RIF1: variants seen among roughly 807,000 people sequenced by gnomAD.
RIF1 encodes replication timing regulatory factor 1.
Under a neutral mutation model 247.1 loss-of-function variants are expected in RIF1, and 45 were observed. That is an observed-to-expected ratio of 0.18 (90% CI 0.14 to 0.23). The LOEUF is 0.23. Ranked by LOEUF, RIF1 falls within the 10% of genes least tolerant of loss-of-function variation. The pLI is 1.00. For missense variants in RIF1, 2,967 were observed against 2,862.5 expected (o/e 1.04, Z -0.83); for synonymous variants, 1,087 against 978.8 (o/e 1.11, Z -2.06).
At chr2:151,520,165 A>G in the RIF1 span, among the ~76,000 whole-genome samples, 1 of 152,186 alleles carries the variant, frequency 6.6e-6, no homozygotes, top group Admixed American at 6.5e-5. Context: ...GTGAAATCCA[A>G]AGAAGGGCTG....
chr2:151,435,621 G>T lies in RIF1; in HGVS notation c.1195+41G>T, dbSNP rs375053606. On this transcript the variant is annotated intron_variant, in intron 11 of 35. Transcript: ENST00000444746. ...TCTTGTTTTTTGCTTTTTTAATCAGGCTTTGTTGACCTAGAAGCATAGTTT... is the reference window on the plus strand; with the variant it reads ...TCTTGTTTTTTGCTTTTTTAATCAGTCTTTGTTGACCTAGAAGCATAGTTT... 10 of 1,112,314 alleles carry T rather than the reference G, an allele frequency of 9.0e-6. No homozygotes were observed. The African/African-American group carries it at 1.4e-4, about 15-fold the overall frequency. 68.9% of individuals were successfully genotyped at this position (1,112,314 alleles called of 1,614,324 possible).
At chr2:151,492,487 TA>T (rs746430269) in intron 9 of RIF1, 2 of 1,610,756 alleles carry the variant, frequency 1.2e-6, no homozygotes, top group Non-Finnish European at 1.7e-6. Flanking sequence ...ACTATCAGAA[TA>T]AAGAACCTGA....
In RIF1 at chr2:151,433,186, A is replaced by G; in HGVS notation, c.1035A>G (p.Leu345=). 1 of 1,613,470 alleles carries G rather than the reference A, an allele frequency of 6.2e-7. No homozygotes were observed. The highest frequency in any genetic ancestry group is 8.5e-7 in the Non-Finnish European group (1 of 1,179,454). Reference sequence around the variant, plus strand: ...CAAAACTAGAAGTCTGGTGGTATTTACTGATGAGACTTGGACCTCATCTTC... The same window carrying G: ...CAAAACTAGAAGTCTGGTGGTATTTGCTGATGAGACTTGGACCTCATCTTC... ...ALTKLEVWWY[L]LMRLGPHLPA... is the part of the protein sequence containing the mutation. The change falls in exon 10 of 36, where the codon TTA becomes TTG. Residue 345 remains leucine (L), a synonymous_variant. Transcript: ENST00000444746.
rs530601099 is a variant in RIF1 at position 151,503,119 on chromosome 2, G to T, written c.*795G>T. On this transcript the variant is annotated 3_prime_UTR_variant and NMD_transcript_variant, in exon 12 of 14. Transcript: ENST00000454583. ...AAGTTATATAACGCTGAGGAATCTT[G>T]TTAATTCTACTTATAGTATTTCAAA... 34 of 586,586 alleles carry T rather than the reference G, an allele frequency of 5.8e-5. No homozygotes were observed. The African/African-American group carries it at 6.0e-4, about 10-fold the overall frequency. The allele number at this position is 586,586 out of a possible 1,614,324, so 36.3% of individuals were successfully genotyped here. A position where few individuals can be genotyped will look rare whatever the true frequency, so the allele number is the denominator to read the frequency against.
At chr2:151,488,862 T>TC (rs2053569211) in intron 9 of RIF1, among the ~76,000 whole-genome samples, 1 of 152,074 alleles carries the variant, frequency 6.6e-6, no homozygotes, top group South Asian at 2.1e-4. Flanking sequence ...TTTCTGGACT[T>TC]CATCTATTTT....
At chr2:151,412,069 C>A (rs886960339) in intron 3 of RIF1, among the ~76,000 whole-genome samples, 9 of 152,114 alleles carry the variant, frequency 5.9e-5, no homozygotes, top group Non-Finnish European at 1.3e-4. Flanking sequence ...GCATTAATTT[C>A]TTTTTCCTCA....
chr2:151,423,139 T>G (rs535318624), intron 8 of RIF1, 97 bp downstream of exon 8: 4 of 689,912 alleles, frequency 5.8e-6, no homozygotes, highest in Non-Finnish European at 1.0e-5. Flanking sequence ...TTATTTCCTT[T>G]GTACAGCTGA....
Position 151,445,390 on chromosome 2 carries a change from A to G in RIF1, c.2039A>G (p.Tyr680Cys), listed in dbSNP as rs375386107. The change falls in exon 19 of 36, where the codon TAT becomes TGT. Residue 680 changes from tyrosine to cysteine, a missense_variant. Around this residue, in one of 7 missense-constraint regions of RIF1, gnomAD observed 76 missense variants for 113.3 expected, o/e 0.67. Coordinates refer to ENST00000444746, the MANE Select transcript of RIF1 (RefSeq NM_018151.5). ...DALEHNFSAI[Y>C]GALTLPVNHI... Reference sequence around the variant, plus strand: ...TTAGAACATAATTTTAGTGCCATCTATGGTGCATTGACTTTACCAGTAAAC... The same window carrying G: ...TTAGAACATAATTTTAGTGCCATCTGTGGTGCATTGACTTTACCAGTAAAC... The G allele has an allele frequency of 4.3e-6, 7 of 1,611,020 alleles. No homozygotes were observed. The highest frequency in any genetic ancestry group is 4.0e-5 in the African/African-American group (3 of 74,990).
intron 15 of RIF1, among the ~76,000 whole-genome samples, chr2:151,441,377 A>T (rs1017547055): frequency 2.0e-5 from 3 of 152,050 alleles, no homozygotes; most frequent in Non-Finnish European, 2.9e-5. Context: ...TTAGTAGTAT[A>T]AAAAAACATA....
intron 14 of RIF1, among the ~76,000 whole-genome samples, chr2:151,439,272 G>A (rs1048840172): frequency 6.6e-6 from 1 of 152,104 alleles, no homozygotes; most frequent in African/African-American, 2.4e-5. Context: ...GTCCAAACCC[G>A]TGTCGTTCAA....
At position 151,416,859 on chromosome 2, in the gene RIF1, A is replaced by G. The variant is rs763050896; in HGVS notation, c.461A>G (p.His154Arg). ...ATACTGTTTAACAAAGGAGAGACGC[A>G]TTCTGCTGTTGTTGATTTTGAAGCA... ...LEILFNKGET[H>R]SAVVDFEALN... is the part of the protein sequence containing the mutation. The change falls in exon 6 of 36, where the codon CAT (histidine) becomes CGT (arginine). Residue 154 changes from histidine (H) to arginine (R), a missense_variant. By Grantham distance (29) the His-to-Arg change is conservative (BLOSUM62 0). Around this residue, in one of 7 missense-constraint regions of RIF1, gnomAD observed 269 missense variants for 288.6 expected, o/e 0.93. Transcript: ENST00000444746. The G allele has an allele frequency of 1.2e-6, 2 of 1,613,080 alleles. No homozygotes were observed. Among genetic ancestry groups the G allele is most frequent in the Middle Eastern group, 1.7e-4 (1 of 6,052 alleles).
At chr2:151,510,517 C>G (rs560175225), downstream of RIF1, among the ~76,000 whole-genome samples, 2 of 152,290 alleles carry the variant, frequency 1.3e-5, no homozygotes, top group Admixed American at 1.3e-4. Context: ...TTTCACTTTC[C>G]ACGGTTTCAG....
chr2:151,531,296 CTTTTTTTCTTTCTT>C, the RIF1 span, among the ~76,000 whole-genome samples: 9 of 141,922 alleles, frequency 6.3e-5, no homozygotes, highest in Non-Finnish European at 1.1e-4. Flanking sequence ...CAACAACTCT[CTTTTTTTCTTTCTT>C]TTTTTTTTTT....
At chr2:151,524,624 G>T in the RIF1 span, 44 of 921,652 alleles carry the variant, frequency 4.8e-5, no homozygotes, top group Non-Finnish European at 7.0e-5. Flanking sequence ...GACCTTTATT[G>T]GGGAAGAAAA....
At chr2:151,500,172 A>ATTGT (rs2063348281) in intron 11 of RIF1, among the ~76,000 whole-genome samples, 2 of 152,338 alleles carry the variant, frequency 1.3e-5, no homozygotes, top group African/African-American at 2.4e-5. Flanking sequence ...AAATTGAAGG[A>ATTGT]TTGTTAGTGA....
intron 12 of RIF1, among the ~76,000 whole-genome samples, chr2:151,503,730 C>G (rs560707978): frequency 1.3e-5 from 2 of 152,096 alleles, no homozygotes; most frequent in African/African-American, 4.8e-5. Context: ...AAAATCTAAC[C>G]ATTTTGTTGC....
In RIF1 at chr2:151,436,804, CTCTT is replaced by C. The variant is rs745376073; in HGVS notation, c.1196-21_1196-18del. 2.9e-5 allele frequency: 43 copies of C among 1,477,064 alleles called. 1 individual carries two copies. Among genetic ancestry groups the C allele is most frequent in the Middle Eastern group, 3.6e-4 (2 of 5,618 alleles). 91.5% of individuals were successfully genotyped at this position (1,477,064 alleles called of 1,614,324 possible). On this transcript the variant is annotated intron_variant, in intron 11 of 35. Transcript: ENST00000444746. Reference sequence around the variant, plus strand: ...TATAAAATGAGCTTGTATGACTTAACTCTTTTTTTTTTTTTCTTAAAGGTGCTTC... The same window carrying C: ...TATAAAATGAGCTTGTATGACTTAACTTTTTTTTTTTCTTAAAGGTGCTTC...
At chr2:151,451,794 C>A in intron 21 of RIF1, 89 bp downstream of exon 21, 1 of 671,470 alleles carries the variant, frequency 1.5e-6, no homozygotes, top group South Asian at 1.6e-5. Flanking sequence ...CCTTTGCCAC[C>A]TCATTTTACT....
chr2:151,467,314 G>A (rs1697078590), intron 30 of RIF1, among the ~76,000 whole-genome samples: 1 of 152,142 alleles, frequency 6.6e-6, no homozygotes, highest in Admixed American at 6.5e-5. Context: ...TTCTTCTGCT[G>A]AGAATCTAGA....
Sources: gnomAD v4.1 joint callset for allele counts (sites outside exome capture counted in the v4.1 genomes callset) on GRCh38, gnomAD v4.1.1 for gene constraint, gnomAD v4.1.1 regional missense constraint, MANE v1.5 for transcripts, NCBI Gene and HGNC (gene_info 2026-07-23, HGNC 2026-07-21) for gene names.